MCTP1: variants seen among roughly 807,000 people sequenced by gnomAD.
MCTP1 encodes the protein multiple C2 and transmembrane domain containing 1, also known as multiple C2 and transmembrane domain-containing protein 1.
MCTP1 carries 69 observed loss-of-function variants against 120.6 expected under a neutral mutation model. The ratio of observed to expected loss-of-function variants is 0.57; its 90% CI spans 0.47 to 0.70. MCTP1 has a LOEUF of 0.70. Ranked by LOEUF, MCTP1 falls within the 30% of genes least tolerant of loss-of-function variation. MCTP1 has a pLI of 0.00. For synonymous variants in MCTP1, 529 were observed against 493.1 expected (o/e 1.07, Z -0.96); for missense variants, 1,203 against 1,248.8 (o/e 0.96, Z 0.55).
intron 19 of MCTP1, among the ~76,000 whole-genome samples, chr5:94,752,489 C>G (rs954612157): frequency 6.6e-6 from 1 of 152,044 alleles, no homozygotes; most frequent in African/African-American, 2.4e-5. Context: ...AGCTAAAATT[C>G]TCAAACTCAG....
At chr5:94,857,446 T>G (rs1794923822) in intron 17 of MCTP1, among the ~76,000 whole-genome samples, 1 of 151,730 alleles carries the variant, frequency 6.6e-6, no homozygotes, top group Non-Finnish European at 1.5e-5. Flanking sequence ...CAAGTCTTAT[T>G]AAATATGCCT....
intron 1 of MCTP1, among the ~76,000 whole-genome samples, chr5:95,207,951 G>C (rs913368743): frequency 1.1e-5 from 1 of 94,854 alleles, no homozygotes; most frequent in African/African-American, 3.5e-5. Context: ...GAGAGAGGGA[G>C]AGAGAGGGAG....
chr5:95,070,162 C>T (rs530247827), intron 1 of MCTP1, among the ~76,000 whole-genome samples: 219 of 152,330 alleles, frequency 1.4e-3, no homozygotes, highest in African/African-American at 5.0e-3. Context: ...TCTCCTTACC[C>T]ATCTATCAGC....
chr5:94,747,888 T>A (rs1408419971), intron 19 of MCTP1, among the ~76,000 whole-genome samples: 1 of 152,104 alleles, frequency 6.6e-6, no homozygotes, highest in East Asian at 1.9e-4. Flanking sequence ...GTCAGGAGTT[T>A]GAGACCAGTC....
rs562586727 is a variant in MCTP1 at position 94,795,634 on chromosome 5, T to C, written c.2556+3379A>G. 3.3e-5 allele frequency among the ~76,000 whole-genome samples: 5 copies of C among 152,360 alleles called. No individual in the cohort carries two copies. In the East Asian group the frequency reaches 7.7e-4, roughly 23 times the overall value. On this transcript the variant is annotated intron_variant, in intron 18 of 22. Transcript: ENST00000515393. ...GGACATTTCTGAATGAAGCATGTCTTAAATGGTTTTCTCTGGAAAAGCCTA... is the reference window on the plus strand; with the variant it reads ...GGACATTTCTGAATGAAGCATGTCTCAAATGGTTTTCTCTGGAAAAGCCTA...
At chr5:94,957,811 A>G (rs1249864347) in intron 2 of MCTP1, among the ~76,000 whole-genome samples, 3 of 152,230 alleles carry the variant, frequency 2.0e-5, no homozygotes, top group Non-Finnish European at 1.5e-5. Context: ...ACTCCCACAC[A>G]ATAATAGTGG....
chr5:95,140,550 A>AT lies in MCTP1; in HGVS notation c.721-123067dup, dbSNP rs201314405. Reference sequence around the variant, plus strand: ...ACTGCTGTCACAAAACTTTTGGGCTATTTTTTTGCTTTAAGAACCATTTAA... The same window carrying AT: ...ACTGCTGTCACAAAACTTTTGGGCTATTTTTTTTGCTTTAAGAACCATTTAA... On this transcript the variant is annotated intron_variant, in intron 1 of 22. Coordinates refer to ENST00000515393, the MANE Select transcript of MCTP1 (RefSeq NM_024717.7). 8.4e-3 allele frequency among the ~76,000 whole-genome samples: 1,278 copies of AT among 151,876 alleles called. 11 individuals carry two copies. The highest frequency in any genetic ancestry group is 0.012 in the Non-Finnish European group (809 of 67,922).
At chr5:94,733,046 C>T (rs1428796604) in intron 19 of MCTP1, among the ~76,000 whole-genome samples, 1 of 151,876 alleles carries the variant, frequency 6.6e-6, no homozygotes, top group Non-Finnish European at 1.5e-5. Flanking sequence ...TTATCTATTC[C>T]AAATATGGCA....
intron 1 of MCTP1, 52 bp from the exon 2 acceptor site, chr5:95,017,536 T>TTCTCTAAAGGGGGACCA (rs139116758): frequency 0.085 from 98,674 of 1,163,744 alleles, 7,803 homozygotes; most frequent in East Asian, 0.32. Context: ...CTGTTCTATT[T>TTCTCTAAAGGGGGACCA]TCTCTAAAGG....
chr5:95,135,992 A>G (rs772174147), intron 1 of MCTP1, among the ~76,000 whole-genome samples: 3 of 152,236 alleles, frequency 2.0e-5, no homozygotes, highest in Non-Finnish European at 4.4e-5. Context: ...GCTTACAATT[A>G]GAGTAGATTT....
rs1644847185 is a variant in MCTP1, at chr5:94,706,663, A to G, written c.*833T>C. On this transcript the variant is annotated 3_prime_UTR_variant, in exon 23 of 23. Transcript: ENST00000515393. ...CAATCTGACACCAAAAGCGATATGG[A>G]TATAGTTTCCTAGTATTTTTGATAA... The G allele has an allele frequency of 6.6e-6, 1 of 151,450 alleles. No individual in the cohort carries two copies. The highest frequency in any genetic ancestry group is 2.1e-4 in the South Asian group (1 of 4,822). 9.4% of individuals were successfully genotyped at this position (151,450 alleles called of 1,614,324 possible). A position where few individuals can be genotyped will look rare whatever the true frequency, so the allele number is the denominator to read the frequency against.
intron 1 of MCTP1, among the ~76,000 whole-genome samples, chr5:95,095,079 A>C (rs921222489): frequency 1.8e-5 from 2 of 110,172 alleles, no homozygotes; most frequent in Non-Finnish European, 3.3e-5. Context: ...GCTGGAGTGC[A>C]GTGGCGCGAT....
At chr5:95,002,068 C>T (rs1833843365) in intron 2 of MCTP1, among the ~76,000 whole-genome samples, 2 of 152,316 alleles carry the variant, frequency 1.3e-5, no homozygotes, top group African/African-American at 2.4e-5. Flanking sequence ...TGGGCCATTG[C>T]TTCAGAAGGT....
At chr5:94,844,689 A>G (rs1006361728) in intron 17 of MCTP1, among the ~76,000 whole-genome samples, 3 of 152,172 alleles carry the variant, frequency 2.0e-5, no homozygotes, top group African/African-American at 7.2e-5. Context: ...TGGCTGTAGG[A>G]ACACTTTTCT....
At chr5:94,754,083 G>T (rs944713578) in intron 19 of MCTP1, among the ~76,000 whole-genome samples, 1 of 152,026 alleles carries the variant, frequency 6.6e-6, no homozygotes, top group African/African-American at 2.4e-5. Flanking sequence ...TTTAAAAACG[G>T]GTCTTAATTA....
chr5:94,803,271 C>G (rs1464443514), intron 17 of MCTP1, among the ~76,000 whole-genome samples: 1 of 152,146 alleles, frequency 6.6e-6, no homozygotes, highest in Middle Eastern at 3.2e-3. Flanking sequence ...ACACACAACC[C>G]CTTTCATTAG....
chr5:94,757,919 A>G (rs1770322074), intron 19 of MCTP1, among the ~76,000 whole-genome samples: 1 of 152,192 alleles, frequency 6.6e-6, no homozygotes, highest in Non-Finnish European at 1.5e-5. Context: ...GGGGATATCA[A>G]ATGGTGGTCA....
At chr5:94,885,219 T>C (rs1025058666) in intron 12 of MCTP1, among the ~76,000 whole-genome samples, 1 of 151,868 alleles carries the variant, frequency 6.6e-6, no homozygotes, top group Non-Finnish European at 1.5e-5. Context: ...TTGAAGGGTT[T>C]CACAGTTCTC....
chr5:95,281,684 G>A (rs1760332452), intron 1 of MCTP1, among the ~76,000 whole-genome samples: 1 of 152,168 alleles, frequency 6.6e-6, no homozygotes, highest in African/African-American at 2.4e-5. Flanking sequence ...TCGAAATGCT[G>A]ATTCTCTATA....
Sources: gnomAD v4.1 joint callset for allele counts (sites outside exome capture counted in the v4.1 genomes callset) on GRCh38, gnomAD v4.1.1 for gene constraint, MANE v1.5 for transcripts, NCBI Gene and HGNC (gene_info 2026-07-23, HGNC 2026-07-21) for gene names.